The following NIPBL variants were observed in gnomAD, a reference collection of about 807,000 sequenced individuals.
NIPBL encodes the protein nipped-B-like protein.
A neutral mutation model predicts 321.8 loss-of-function variants in NIPBL; 19 were observed. That is an observed-to-expected ratio of 0.06 (90% confidence interval 0.04 to 0.09). The LOEUF (loss-of-function observed/expected upper bound fraction) is 0.09. Ranked by LOEUF, NIPBL falls within the 10% of genes least tolerant of loss-of-function variation. NIPBL has a pLI of 1.00. For synonymous variants in NIPBL, 1,106 were observed against 1,114.1 expected, an observed-to-expected ratio of 0.99 and a Z score of 0.14; for missense variants, 2,210 against 3,327.0, an observed-to-expected ratio of 0.66 and a Z score of 8.26.
At chr5:37,016,901 GAA>G in intron 23 of NIPBL, 116 bp from the exon 24 acceptor site, 4 of 722,832 alleles carry the variant, frequency 5.5e-6, no homozygotes, top group South Asian at 2.7e-5. Context: ...AATATCACAG[GAA>G]AAAAAAAAGT....
intron 1 of NIPBL, among the ~76,000 whole-genome samples, chr5:36,880,654 A>G (rs1331203745): frequency 6.6e-6 from 1 of 152,042 alleles, no homozygotes; most frequent in Non-Finnish European, 1.5e-5. Context: ...TGAGCGTACT[A>G]GGTTAGGTTT....
At chr5:36,889,522 C>T (rs1746161367) in intron 1 of NIPBL, among the ~76,000 whole-genome samples, 1 of 152,084 alleles carries the variant, frequency 6.6e-6, no homozygotes, top group South Asian at 2.1e-4. Flanking sequence ...ACTGCACTGT[C>T]CTCCGTATTC....
At chr5:36,914,891 T>C (rs143619020) in intron 1 of NIPBL, among the ~76,000 whole-genome samples, 1 of 152,296 alleles carries the variant, frequency 6.6e-6, no homozygotes, top group African/African-American at 2.4e-5. Flanking sequence ...GAGATTTTGC[T>C]TTGCCATTTA....
chr5:36,955,161 C>T (rs905547289), intron 2 of NIPBL, among the ~76,000 whole-genome samples: 1 of 152,098 alleles, frequency 6.6e-6, no homozygotes, highest in Non-Finnish European at 1.5e-5. Flanking sequence ...TGAATTGCTA[C>T]ATTGGAAGTT....
chr5:37,048,432 A>T, intron 38 of NIPBL, 70 bp from the exon 39 acceptor site: 1 of 948,110 alleles, frequency 1.1e-6, no homozygotes, highest in Non-Finnish European at 1.5e-6. Context: ...ATAATTTATT[A>T]ACATATTTAT....
chr5:36,888,046 A>G (rs539529645), intron 1 of NIPBL, among the ~76,000 whole-genome samples: 2 of 152,294 alleles, frequency 1.3e-5, no homozygotes, highest in African/African-American at 4.8e-5. Context: ...ACTTCCCTGA[A>G]TTATCACTTG....
chr5:36,885,733 T>C, intron 1 of NIPBL: 4 of 594,872 alleles, frequency 6.7e-6, no homozygotes, highest in Non-Finnish European at 1.3e-5. Flanking sequence ...TGTGCCAGTC[T>C]GTAGAGAACG....
Position 37,020,324 on chromosome 5 carries a change from G to A in NIPBL, c.5011-135G>A, listed in dbSNP as rs567969593. 1.6e-4 allele frequency: 110 copies of A among 687,912 alleles called. 1 individual carries two copies. In the South Asian group the frequency reaches 1.8e-3, roughly 11 times the overall value. 42.6% of individuals were successfully genotyped at this position (687,912 alleles called of 1,614,324 possible). On this transcript the variant is annotated intron_variant, in intron 25 of 46. Transcript: ENST00000282516. ...ATATTTTCTGGCTTTCTTAAAATCT[G>A]TTTTTATCACATGGAAGTTGTTTTA... is the stretch of plus-strand genomic sequence containing the variant.
intron 1 of NIPBL, among the ~76,000 whole-genome samples, chr5:36,891,260 T>A (rs1435560516): frequency 6.6e-6 from 1 of 151,690 alleles, no homozygotes; most frequent in Non-Finnish European, 1.5e-5. Flanking sequence ...CGAGACTCCA[T>A]CTCAAAAAAC....
In NIPBL at chr5:37,022,054, C is replaced by G. The variant is rs1561171866; in HGVS notation, c.5332C>G (p.Leu1778Val). Residue 1778 changes from leucine to valine, a missense_variant, in exon 28 of 47, where the codon CTA becomes GTA. Coordinates refer to ENST00000282516, the MANE Select transcript of NIPBL (RefSeq NM_133433.4). ...AATGTCAATGTTTGCTTGGCAGATC[C>G]TACGAGTTCTTGGTGAAAATGCAAT... ...QSFDIYLTQI[L>V]RVLGENAIAV... is the part of the protein sequence containing the mutation. 1 of 1,613,704 alleles carries G rather than the reference C, an allele frequency of 6.2e-7. No homozygotes were observed. Among genetic ancestry groups the G allele is most frequent in the African/African-American group, 1.3e-5 (1 of 74,972 alleles).
chr5:37,065,105 C>T lies in NIPBL; in HGVS notation c.*213C>T. ...ACAGATTCTCAGTTCATTTTTACTC[C>T]CACTGTATTATAGTTTAACAAAAAT... On this transcript the variant is annotated 3_prime_UTR_variant, in exon 47 of 47. Coordinates refer to ENST00000282516, the MANE Select transcript of NIPBL (RefSeq NM_133433.4). 1 of 605,072 alleles carries T rather than the reference C, an allele frequency of 1.7e-6. No individual in the cohort carries two copies. The highest frequency in any genetic ancestry group is 2.9e-6 in the Non-Finnish European group (1 of 345,890). 37.5% of individuals were successfully genotyped at this position (605,072 alleles called of 1,614,324 possible). A position where few individuals can be genotyped will look rare whatever the true frequency, so the allele number is the denominator to read the frequency against.
Position 36,986,123 on chromosome 5 carries a change from G to C in NIPBL, c.2943G>C (p.Glu981Asp). 6.2e-7 allele frequency: 1 copy of C among 1,613,730 alleles called. No homozygotes were observed. Among genetic ancestry groups the C allele is most frequent in the Non-Finnish European group, 8.5e-7 (1 of 1,179,860 alleles). Residue 981 changes from glutamate (E) to aspartate (D), a missense_variant, in exon 10 of 47, where the codon GAG becomes GAC. This residue lies in a region of NIPBL where 588 missense variants were observed against 564.1 expected (regional missense o/e 1.04). Coordinates refer to ENST00000282516, the MANE Select transcript of NIPBL (RefSeq NM_133433.4). The stretch of plus-strand genomic sequence containing the variant: ...CAAAGAAAATGGAAATGAAAGGAGA[G>C]CCGAAAGACAAAGTAGAAAAAATAG... ...QETKKMEMKG[E>D]PKDKVEKIGL...
chr5:37,002,792 A>G, intron 15 of NIPBL, 27 bp downstream of exon 15: 1 of 1,234,194 alleles, frequency 8.1e-7, no homozygotes, highest in Non-Finnish European at 1.2e-6. Context: ...AAATTTATAA[A>G]TTTACTTCAT....
chr5:36,985,777 T>C lies in NIPBL; in HGVS notation c.2597T>C (p.Leu866Pro), dbSNP rs542244170. The change falls in exon 10 of 47, where the codon CTA becomes CCA. Residue 866 changes from leucine (L) to proline (P), a missense_variant. Physicochemically the swap from Leu to Pro is moderately conservative, Grantham distance 98. Transcript: ENST00000282516. ...IKSDSSKTDK[L>P]ERKHRHESGD... ...TCTGATAGTTCAAAAACTGATAAAC[T>C]AGAACGAAAACACAGGCATGAATCA... 9.3e-6 allele frequency: 15 copies of C among 1,613,370 alleles called. No homozygotes were observed. In the African/African-American group the frequency reaches 2.0e-4, roughly 22 times the overall value.
At chr5:37,009,600 A>AT (rs1476132600) in intron 20 of NIPBL, among the ~76,000 whole-genome samples, 2 of 152,214 alleles carry the variant, frequency 1.3e-5, no homozygotes, top group Admixed American at 6.5e-5. Flanking sequence ...GAATCCTTAG[A>AT]TTTTTTACAA....
rs376536671 is a variant in NIPBL at position 37,026,206 on chromosome 5, T to C, written c.5710-23T>C. On this transcript the variant is annotated intron_variant, in intron 30 of 46. Coordinates refer to ENST00000282516, the MANE Select transcript of NIPBL (RefSeq NM_133433.4). ...TGCCGTATTTGTTATAATTAGTTAA[T>C]TTGAAATTTCTCTTCCTTCTAGAAA... is the stretch of plus-strand genomic sequence containing the variant. The C allele has an allele frequency of 1.2e-5, 17 of 1,395,944 alleles. No individual in the cohort carries two copies. The African/African-American group carries it at 2.4e-4, about 20-fold the overall frequency. 86.5% of individuals were successfully genotyped at this position (1,395,944 alleles called of 1,614,324 possible). A position where few individuals can be genotyped will look rare whatever the true frequency, so the allele number is the denominator to read the frequency against.
At position 37,010,115 on chromosome 5, in the gene NIPBL, C is replaced by T. The variant is rs765328819; in HGVS notation, c.4450C>T (p.Pro1484Ser). The T allele has an allele frequency of 6.2e-7, 1 of 1,611,994 alleles. No homozygotes were observed. The highest frequency in any genetic ancestry group is 8.5e-7 in the Non-Finnish European group (1 of 1,178,420). The change falls in exon 21 of 47, where the codon CCT becomes TCT. Residue 1484 changes from proline to serine, a missense_variant. Physicochemically the swap from Pro to Ser is moderately conservative, Grantham distance 74. Coordinates refer to ENST00000282516, the MANE Select transcript of NIPBL (RefSeq NM_133433.4). Reference protein sequence around the residue: ...RLNSSDMDGEPMYIQMVTALV... With the variant: ...RLNSSDMDGESMYIQMVTALV... Reference sequence around the variant, plus strand: ...AAACAGTAGTGATATGGATGGAGAACCTATGTATATTCAGATGGTTACAGC... The same window carrying T: ...AAACAGTAGTGATATGGATGGAGAATCTATGTATATTCAGATGGTTACAGC...
chr5:36,986,725 T>C (rs1487687174), intron 10 of NIPBL, among the ~76,000 whole-genome samples: 1 of 152,206 alleles, frequency 6.6e-6, no homozygotes, highest in Non-Finnish European at 1.5e-5. Context: ...TTGTATAGTT[T>C]AGAAAGTTAT....
At chr5:36,950,945 G>GT (rs2149593294) in intron 1 of NIPBL, among the ~76,000 whole-genome samples, 1 of 152,252 alleles carries the variant, frequency 6.6e-6, no homozygotes, top group Non-Finnish European at 1.5e-5. Context: ...AGCTAAAATT[G>GT]TAACCTCATT....
Sources: gnomAD v4.1 joint callset for allele counts (sites outside exome capture counted in the v4.1 genomes callset) on GRCh38, gnomAD v4.1.1 for gene constraint, gnomAD v4.1.1 regional missense constraint, MANE v1.5 for transcripts, NCBI Gene and HGNC (gene_info 2026-07-23, HGNC 2026-07-21) for gene names.